Variants in BCR observed in about 807,000 individuals in gnomAD.
The protein encoded by BCR is breakpoint cluster region protein.
In BCR, 58 loss-of-function variants were observed where a neutral mutation model predicts 138.6. That is an observed-to-expected ratio of 0.42 (90% CI 0.34 to 0.52). The LOEUF is 0.52. BCR is among the 20% of genes least tolerant of loss of function. The pLI, the probability that BCR is intolerant of heterozygous loss-of-function variation, is 0.06. For missense variants in BCR, 1,599 were observed against 1,727.2 expected, an observed-to-expected ratio of 0.93 and a Z score of 1.32; for synonymous variants, 786 against 730.1, an observed-to-expected ratio of 1.08 and a Z score of -1.23.
At chr22:23,222,189 T>C (rs950726224) in intron 1 of BCR, among the ~76,000 whole-genome samples, 4 of 152,208 alleles carry the variant, frequency 2.6e-5, no homozygotes, top group African/African-American at 9.7e-5. Context: ...GCAGTCACTA[T>C]GTGCTTTGTT....
intron 22 of BCR, 111 bp from the exon 23 acceptor site, chr22:23,315,322 G>C: frequency 4.2e-6 from 4 of 946,408 alleles, no homozygotes; most frequent in Non-Finnish European, 6.8e-6. Flanking sequence ...ACACCAGCAG[G>C]GGTCCCCAGC....
chr22:23,249,720 C>T (rs1302205591), intron 1 of BCR, among the ~76,000 whole-genome samples: 1 of 152,142 alleles, frequency 6.6e-6, no homozygotes, highest in Non-Finnish European at 1.5e-5. Flanking sequence ...GGGCAGTCCT[C>T]CCCACACCAT....
chr22:23,263,551 G>T (rs943416406), intron 4 of BCR: 1 of 1,575,142 alleles, frequency 6.3e-7, no homozygotes, highest in Admixed American at 1.7e-5. Context: ...TACCAGTTCC[G>T]TCCAGATGGT....
chr22:23,271,424 G>A, intron 5 of BCR, 108 bp from the exon 6 acceptor site: 1 of 1,106,134 alleles, frequency 9.0e-7, no homozygotes, highest in Non-Finnish European at 1.3e-6. Context: ...AATGCACCTG[G>A]GGTTTGTTGT....
intron 1 of BCR, among the ~76,000 whole-genome samples, chr22:23,187,409 T>C (rs2072358598): frequency 6.6e-6 from 1 of 151,962 alleles, no homozygotes; most frequent in Non-Finnish European, 1.5e-5. Flanking sequence ...TGATTGACAT[T>C]GGGGAGGAGG....
chr22:23,310,657 A>C (rs1429411153), intron 18 of BCR, among the ~76,000 whole-genome samples: 2 of 152,192 alleles, frequency 1.3e-5, no homozygotes, highest in Non-Finnish European at 2.9e-5. Flanking sequence ...GGCTCCAGGA[A>C]CTGCCCAAGT....
At chr22:23,206,296 TGG>T (rs2072611939) in intron 1 of BCR, among the ~76,000 whole-genome samples, 1 of 152,208 alleles carries the variant, frequency 6.6e-6, no homozygotes, top group East Asian at 1.9e-4. Flanking sequence ...GAAAATAGGC[TGG>T]GGGCGGTGGC....
intron 15 of BCR, among the ~76,000 whole-genome samples, chr22:23,294,233 A>T (rs746444816): frequency 2.6e-5 from 4 of 152,058 alleles, no homozygotes; most frequent in Non-Finnish European, 4.4e-5. Context: ...CATCATTACC[A>T]CCCAGAGTTC....
At position 23,309,283 on chromosome 22, in the gene BCR, T is replaced by C. The variant is rs536702534; in HGVS notation, c.3013-141T>C. ...AGGCCCCTCCTTACTCTACCTCTGT[T>C]GGCCTCTGGATGGAGGTGCTGGCCG... On this transcript the variant is annotated intron_variant, in intron 16 of 22. Coordinates refer to ENST00000305877, the MANE Select transcript of BCR (RefSeq NM_004327.4). 5.3e-4 allele frequency: 418 copies of C among 787,064 alleles called. 2 individuals carry two copies. The highest frequency in any genetic ancestry group is 9.7e-4 in the Admixed American group (45 of 46,436). The allele number at this position is 787,064 out of a possible 1,614,324, so 48.8% of individuals were successfully genotyped here. A position where few individuals can be genotyped will look rare whatever the true frequency, so the allele number is the denominator to read the frequency against.
chr22:23,259,507 CA>C (rs200498083), intron 2 of BCR, among the ~76,000 whole-genome samples: 3 of 148,708 alleles, frequency 2.0e-5, no homozygotes, highest in Non-Finnish European at 1.5e-5. Flanking sequence ...TTTCTATTAC[CA>C]AAAAAAAAAT....
At chr22:23,233,401 TC>T (rs769749008) in intron 1 of BCR, among the ~76,000 whole-genome samples, 1 of 152,096 alleles carries the variant, frequency 6.6e-6, no homozygotes, top group East Asian at 1.9e-4. Flanking sequence ...CACACCGACT[TC>T]CTAAAACATG....
At chr22:23,292,708 C>G (rs1460460060) in intron 15 of BCR, 70 bp downstream of exon 15, 8 of 1,391,960 alleles carry the variant, frequency 5.7e-6, no homozygotes, top group African/African-American at 1.4e-5. Context: ...TGGAGATAAT[C>G]TAAACCTTCA....
intron 8 of BCR, among the ~76,000 whole-genome samples, chr22:23,278,310 C>A (rs1196307591): frequency 6.6e-6 from 1 of 152,222 alleles, no homozygotes; most frequent in Non-Finnish European, 1.5e-5. Flanking sequence ...ACACAGACAG[C>A]AGTCCAAACA....
At position 23,285,065 on chromosome 22, in the gene BCR, T is replaced by G. The variant is rs142746601; in HGVS notation, c.2270T>G (p.Ile757Ser). 1.9e-6 allele frequency: 3 copies of G among 1,613,918 alleles called. No individual in the cohort carries two copies. The African/African-American group carries it at 4.0e-5, about 22-fold the overall frequency. ...KTQQYDCKWY[I>S]PLTDLSFQMV... is the part of the protein sequence containing the mutation. ...CAGCAGTATGACTGCAAATGGTACA[T>G]TCCGCTCACGGATCTCAGCTTCCAG... is the stretch of plus-strand genomic sequence containing the variant. Residue 757 changes from isoleucine to serine, a missense_variant, in exon 10 of 23, where the codon ATT (isoleucine) becomes AGT (serine). Physicochemically the swap from Ile to Ser is moderately radical, Grantham distance 142. Transcript: ENST00000305877.
intron 1 of BCR, among the ~76,000 whole-genome samples, chr22:23,192,209 T>G (rs1163211522): frequency 6.6e-6 from 1 of 152,024 alleles, no homozygotes; most frequent in Non-Finnish European, 1.5e-5. Flanking sequence ...ATAATTATAC[T>G]CCCTCCACTG....
At chr22:23,284,969 A>G in intron 9 of BCR, 64 bp from the exon 10 acceptor site, 1 of 1,546,704 alleles carries the variant, frequency 6.5e-7, no homozygotes, top group Non-Finnish European at 8.8e-7. Context: ...GGCTCTTGAC[A>G]GCAGTGACAT....
rs146630974 is a variant in BCR, at chr22:23,246,725, C to G, written c.1280-7074C>G. ...AGAGATGATACGTGGGTTTTCAGCA[C>G]CATATGTGACCTGGAGGAAGTACCC... On this transcript the variant is annotated intron_variant, in intron 1 of 22. Transcript: ENST00000305877. 2.3e-3 allele frequency among the ~76,000 whole-genome samples: 350 copies of G among 152,266 alleles called. 3 individuals carry two copies. The highest frequency in any genetic ancestry group is 8.0e-3 in the African/African-American group (334 of 41,536).
At chr22:23,233,063 T>C (rs910282914) in intron 1 of BCR, among the ~76,000 whole-genome samples, 9 of 152,232 alleles carry the variant, frequency 5.9e-5, no homozygotes, top group African/African-American at 2.2e-4. Flanking sequence ...TTCCAGACAA[T>C]TGGGATCCTG....
intron 1 of BCR, among the ~76,000 whole-genome samples, chr22:23,202,017 A>G (rs2146210387): frequency 6.6e-6 from 1 of 152,292 alleles, no homozygotes; most frequent in East Asian, 1.9e-4. Context: ...GTCCGGCCTT[A>G]GTTAATGTGA....
Sources: allele counts gnomAD v4.1 joint callset (sites outside exome capture counted in the v4.1 genomes callset), GRCh38; gene constraint gnomAD v4.1.1; transcripts MANE v1.5; gene names NCBI Gene and HGNC (gene_info 2026-07-23, HGNC 2026-07-21).